PITPNC1: variants seen among roughly 807,000 people sequenced by gnomAD.
The protein encoded by PITPNC1 is phosphatidylinositol transfer protein cytoplasmic 1, also known as cytoplasmic phosphatidylinositol transfer protein 1.
In PITPNC1, 18 loss-of-function variants were observed where a neutral mutation model predicts 44.7. The observed-to-expected ratio is 0.40, with a 90% CI of 0.28 to 0.60. The LOEUF is 0.60. PITPNC1 is among the 20% of genes least tolerant of loss of function. The pLI, the probability that PITPNC1 is intolerant of heterozygous loss-of-function variation, is 0.39. For missense variants in PITPNC1, 290 were observed against 418.4 expected (o/e 0.69, Z 2.68); for synonymous variants, 141 against 149.6 (o/e 0.94, Z 0.42).
chr17:67,472,882 ATT>A (rs113115701), intron 1 of PITPNC1, among the ~76,000 whole-genome samples: 3 of 144,496 alleles, frequency 2.1e-5, no homozygotes, highest in Non-Finnish European at 1.5e-5. Flanking sequence ...TTAATGTGGT[ATT>A]TTTTTTTTTT....
intron 6 of PITPNC1, among the ~76,000 whole-genome samples, chr17:67,656,721 G>A (rs2042273070): frequency 6.6e-6 from 1 of 152,090 alleles, no homozygotes; most frequent in South Asian, 2.1e-4. Flanking sequence ...CCTGTGGAAA[G>A]GCCCAGGGGA....
intron 1 of PITPNC1, among the ~76,000 whole-genome samples, chr17:67,530,796 G>A (rs1196793290): frequency 6.6e-6 from 1 of 152,198 alleles, no homozygotes; most frequent in East Asian, 1.9e-4. Flanking sequence ...GTGGCATATT[G>A]ATCTCACAGG....
At chr17:67,618,753 G>GA (rs2144308168) in intron 5 of PITPNC1, among the ~76,000 whole-genome samples, 1 of 149,636 alleles carries the variant, frequency 6.7e-6, no homozygotes, top group South Asian at 2.1e-4. Context: ...CTCCGTCTCA[G>GA]AAAAAAATAA....
At chr17:67,680,171 G>A (rs1352838272) in intron 8 of PITPNC1, among the ~76,000 whole-genome samples, 3 of 152,146 alleles carry the variant, frequency 2.0e-5, no homozygotes, top group Non-Finnish European at 4.4e-5. Flanking sequence ...ATTTTCCAAC[G>A]CAACATTTTA....
chr17:67,503,163 TA>T (rs1439480067), intron 1 of PITPNC1, among the ~76,000 whole-genome samples: 1 of 151,974 alleles, frequency 6.6e-6, no homozygotes, highest in East Asian at 1.9e-4. Flanking sequence ...TTTTAGAAAA[TA>T]AAGTTACCAA....
At position 67,446,415 on chromosome 17, in the gene PITPNC1, GA is replaced by G. The variant is rs879363223; in HGVS notation, c.48+68224del. Among the ~76,000 whole-genome samples, 133 of 135,550 alleles carry G rather than the reference GA, an allele frequency of 9.8e-4. 1 individual carries two copies. Among genetic ancestry groups the G allele is most frequent in the East Asian group, 3.5e-3 (17 of 4,830 alleles). 88.9% of individuals were successfully genotyped at this position (135,550 alleles called of 152,430 possible). Reference sequence around the variant, plus strand: ...GAAGGAAGAAATTCTTCTGTTTTCAGAAAAAAAAAAAGGAAAATAAAAGAAT... The same window carrying G: ...GAAGGAAGAAATTCTTCTGTTTTCAGAAAAAAAAAAGGAAAATAAAAGAAT... On this transcript the variant is annotated intron_variant, in intron 1 of 8. Transcript: ENST00000581322.
chr17:67,666,123 C>A (rs937082374), intron 6 of PITPNC1, among the ~76,000 whole-genome samples: 3 of 151,554 alleles, frequency 2.0e-5, no homozygotes, highest in African/African-American at 4.8e-5. Flanking sequence ...GATTACAGGC[C>A]TGAGCCACCG....
intron 1 of PITPNC1, among the ~76,000 whole-genome samples, chr17:67,491,905 G>T (rs2017854): frequency 6.6e-6 from 1 of 151,764 alleles, no homozygotes; most frequent in South Asian, 2.1e-4. Flanking sequence ...ATTTTAGTAA[G>T]ATCAGAAATG....
intron 1 of PITPNC1, among the ~76,000 whole-genome samples, chr17:67,439,712 C>T (rs189703341): frequency 6.6e-6 from 1 of 152,170 alleles, no homozygotes; most frequent in Non-Finnish European, 1.5e-5. Flanking sequence ...TAACATATCT[C>T]TCACCTTACA....
chr17:67,388,219 C>T (rs2038083386), intron 1 of PITPNC1, among the ~76,000 whole-genome samples: 1 of 152,104 alleles, frequency 6.6e-6, no homozygotes, highest in Non-Finnish European at 1.5e-5. Flanking sequence ...AGTGATACCC[C>T]TGAGAAGTTT....
chr17:67,452,347 A>G (rs531757194), intron 1 of PITPNC1, among the ~76,000 whole-genome samples: 1 of 151,640 alleles, frequency 6.6e-6, no homozygotes, highest in Non-Finnish European at 1.5e-5. Flanking sequence ...ATAGCATTCC[A>G]TTATAGGGAT....
intron 6 of PITPNC1, among the ~76,000 whole-genome samples, chr17:67,665,215 C>T (rs941139118): frequency 5.3e-5 from 8 of 152,146 alleles, no homozygotes; most frequent in African/African-American, 1.9e-4. Context: ...ACCTTAGCCT[C>T]TCAAGTAGCT....
chr17:67,573,911 A>G (rs757008416), intron 4 of PITPNC1, among the ~76,000 whole-genome samples: 1 of 152,138 alleles, frequency 6.6e-6, no homozygotes, highest in Non-Finnish European at 1.5e-5. Flanking sequence ...AGAGATACGG[A>G]ATTGATTATA....
At chr17:67,673,102 T>A (rs1317967549) in intron 7 of PITPNC1, among the ~76,000 whole-genome samples, 1 of 152,220 alleles carries the variant, frequency 6.6e-6, no homozygotes, top group Non-Finnish European at 1.5e-5. Context: ...ATTCATTATG[T>A]GTTTCCTACT....
intron 1 of PITPNC1, among the ~76,000 whole-genome samples, chr17:67,432,879 A>G (rs2038876943): frequency 6.6e-6 from 1 of 152,234 alleles, no homozygotes; most frequent in Non-Finnish European, 1.5e-5. Flanking sequence ...TGTGCCAGAT[A>G]CAGCTCTGGA....
chr17:67,535,047 G>A (rs574626411), intron 2 of PITPNC1, among the ~76,000 whole-genome samples: 2 of 152,328 alleles, frequency 1.3e-5, no homozygotes, highest in East Asian at 3.9e-4. Context: ...GACAGTGAAG[G>A]GCATGAGCTG....
intron 1 of PITPNC1, among the ~76,000 whole-genome samples, chr17:67,424,530 G>A (rs1470889295): frequency 2.0e-5 from 3 of 151,886 alleles, no homozygotes; most frequent in Admixed American, 6.6e-5. Context: ...GGTGGTGGGC[G>A]CCTGTAATCC....
intron 6 of PITPNC1, among the ~76,000 whole-genome samples, chr17:67,643,730 G>A (rs1052415186): frequency 6.6e-6 from 1 of 152,196 alleles, no homozygotes; most frequent in Non-Finnish European, 1.5e-5. Context: ...CAGATGGGAT[G>A]GAGAAGTGAG....
chr17:67,597,626 T>G lies in PITPNC1; in HGVS notation c.366+19369T>G, dbSNP rs1257608009. On this transcript the variant is annotated intron_variant, in intron 5 of 8. Coordinates refer to ENST00000581322, the MANE Select transcript of PITPNC1 (RefSeq NM_012417.4). The surrounding 1 kb of genome is among the most constrained non-coding windows in gnomAD (Gnocchi z 4.0). Reference sequence around the variant, plus strand: ...TTTGTGTTAAGTTCCTAGTGGAAATTTGAGAAGTCCTTTATTTTACATTTA... The same window carrying G: ...TTTGTGTTAAGTTCCTAGTGGAAATGTGAGAAGTCCTTTATTTTACATTTA... Among the ~76,000 whole-genome samples the G allele has an allele frequency of 6.6e-6, 1 of 152,218 alleles. No homozygotes were observed. Among genetic ancestry groups the G allele is most frequent in the Non-Finnish European group, 1.5e-5 (1 of 68,042 alleles).
Sources: gnomAD v4.1 joint callset for allele counts (sites outside exome capture counted in the v4.1 genomes callset) on GRCh38, gnomAD v4.1.1 for gene constraint, Gnocchi (gnomAD v3.1) non-coding constraint, MANE v1.5 for transcripts, NCBI Gene and HGNC (gene_info 2026-07-23, HGNC 2026-07-21) for gene names.